The following KANK1 variants were observed in gnomAD, a reference collection of about 807,000 sequenced individuals.
KANK1 encodes KN motif and ankyrin repeat domain-containing protein 1.
Under a neutral mutation model 106.2 loss-of-function variants are expected in KANK1, and 109 were observed. The observed-to-expected ratio is 1.03, with a 90% CI of 0.88 to 1.20. The LOEUF is 1.20. Among genes scored for constraint, KANK1 ranks in the 50% most tolerant of loss-of-function variants. KANK1 has a pLI of 0.00. For synonymous variants in KANK1, 873 were observed against 652.2 expected, an observed-to-expected ratio of 1.34 and a Z score of -5.16; for missense variants, 2,399 against 1,710.7, an observed-to-expected ratio of 1.40 and a Z score of -7.10.
chr9:719,738 G>C (rs571010765), intron 3 of KANK1, among the ~76,000 whole-genome samples: 164 of 151,998 alleles, frequency 1.1e-3, no homozygotes, highest in African/African-American at 3.7e-3. Flanking sequence ...CTCTAGTTTT[G>C]GGTGATTTTT....
intron 2 of KANK1, among the ~76,000 whole-genome samples, chr9:699,493 G>T (rs551195101): frequency 6.6e-6 from 1 of 152,312 alleles, no homozygotes; most frequent in East Asian, 1.9e-4. Context: ...TAGGAGTAGT[G>T]TGCAGGTTAA....
At chr9:684,473 A>C (rs548263892) in intron 2 of KANK1, 2 of 985,326 alleles carry the variant, frequency 2.0e-6, no homozygotes, top group Non-Finnish European at 2.4e-6. Flanking sequence ...AGCTGTTGCT[A>C]TTATTCTAAG....
At chr9:596,872 C>G (rs1042393912) in intron 1 of KANK1, among the ~76,000 whole-genome samples, 1 of 151,786 alleles carries the variant, frequency 6.6e-6, no homozygotes, top group African/African-American at 2.4e-5. Context: ...CAAAAGAAAA[C>G]CCCGTACCCA....
intron 3 of KANK1, among the ~76,000 whole-genome samples, chr9:729,422 G>C (rs1335781199): frequency 6.6e-6 from 1 of 152,216 alleles, no homozygotes; most frequent in African/African-American, 2.4e-5. Context: ...GCTGTGTGAA[G>C]ATGGGGGAAG....
chr9:726,509 C>T (rs1830680196), intron 3 of KANK1, among the ~76,000 whole-genome samples: 1 of 151,064 alleles, frequency 6.6e-6, no homozygotes, highest in Non-Finnish European at 1.5e-5. Flanking sequence ...CATGGTGGCA[C>T]TTGCCTGTAG....
chr9:474,050 A>G (rs2132051736), intron 3 of KANK1, among the ~76,000 whole-genome samples: 1 of 151,860 alleles, frequency 6.6e-6, no homozygotes, highest in East Asian at 1.9e-4. Flanking sequence ...AGCTTTCCCC[A>G]CATGATGGCT....
chr9:694,603 C>G (rs1386602037), intron 2 of KANK1, among the ~76,000 whole-genome samples: 4 of 152,192 alleles, frequency 2.6e-5, no homozygotes, highest in Non-Finnish European at 5.9e-5. Flanking sequence ...AAGAGGGCCA[C>G]TGTATAAACC....
intron 1 of KANK1, 45 bp downstream of exon 1, chr9:504,799 G>C (rs1399550678): frequency 8.2e-6 from 1 of 122,106 alleles, no homozygotes; most frequent in Admixed American, 7.3e-5. Flanking sequence ...GCCGCGGCGA[G>C]GTTGTCCCGG....
At chr9:718,932 G>C (rs1160041218) in intron 3 of KANK1, among the ~76,000 whole-genome samples, 2 of 148,130 alleles carry the variant, frequency 1.4e-5, no homozygotes, top group Non-Finnish European at 3.0e-5. Context: ...TGGGCTTAAA[G>C]AGTGAATTCA....
rs897552372 is a variant in KANK1 at position 730,932 on chromosome 9, T to G, written c.2897-226T>G. ...CAGTTTTCACTGGCTTTGTTATGTCTGGAAGGACTAATTGATTTTTTTCCC... is the reference window on the plus strand; with the variant it reads ...CAGTTTTCACTGGCTTTGTTATGTCGGGAAGGACTAATTGATTTTTTTCCC... On this transcript the variant is annotated intron_variant, in intron 4 of 11. Coordinates refer to ENST00000382297, the MANE Select transcript of KANK1 (RefSeq NM_015158.5). 2.6e-5 allele frequency: 9 copies of G among 348,808 alleles called. No homozygotes were observed. The Admixed American group carries it at 2.8e-4, about 11-fold the overall frequency. 21.6% of individuals were successfully genotyped at this position (348,808 alleles called of 1,614,324 possible).
chr9:657,046 C>CT (rs375612496), intron 1 of KANK1, among the ~76,000 whole-genome samples: 8,082 of 152,252 alleles, frequency 0.053, 231 homozygotes, highest in African/African-American at 0.066. Context: ...CTGTTTCCCC[C>CT]TGTGCCAGCC....
intron 1 of KANK1, among the ~76,000 whole-genome samples, chr9:668,681 C>T (rs1845224928): frequency 6.6e-6 from 1 of 152,000 alleles, no homozygotes; most frequent in Non-Finnish European, 1.5e-5. Context: ...TAGAAAACAT[C>T]TTATAGATAA....
chr9:624,187 A>G (rs935143396), intron 1 of KANK1, among the ~76,000 whole-genome samples: 1 of 152,172 alleles, frequency 6.6e-6, no homozygotes, highest in Non-Finnish European at 1.5e-5. Context: ...CGTTGAATCC[A>G]CAAGCCAAGA....
chr9:570,811 A>G (rs542391517), intron 1 of KANK1, among the ~76,000 whole-genome samples: 1 of 152,196 alleles, frequency 6.6e-6, no homozygotes, highest in African/African-American at 2.4e-5. Context: ...CCGTTGGCTT[A>G]GTTTTTCATG....
chr9:617,826 G>T (rs1315619642), intron 1 of KANK1, among the ~76,000 whole-genome samples: 1 of 152,226 alleles, frequency 6.6e-6, no homozygotes, highest in African/African-American at 2.4e-5. Context: ...TCTCATAGGA[G>T]TAGGCTCCAT....
chr9:712,283 TG>T lies in KANK1; in HGVS notation c.1519del (p.Ala507ProfsTer41). On this transcript the variant is annotated frameshift_variant, in exon 3 of 12. Transcript: ENST00000382297. LOFTEE classifies it high-confidence loss of function. ...GSRKKVDKAT[M>X]AQPLVFSKVV... Reference sequence around the variant, plus strand: ...AGGAAAAAGGTTGACAAAGCCACGATGGCCCAGCCGCTTGTTTTCAGTAAGG... The same window carrying T: ...AGGAAAAAGGTTGACAAAGCCACGATGCCCAGCCGCTTGTTTTCAGTAAGG... The T allele has an allele frequency of 6.2e-7, 1 of 1,614,186 alleles. No individual in the cohort carries two copies. The highest frequency in any genetic ancestry group is 8.5e-7 in the Non-Finnish European group (1 of 1,180,038).
At chr9:481,910 G>C (rs757185781) in intron 3 of KANK1, among the ~76,000 whole-genome samples, 24 of 152,114 alleles carry the variant, frequency 1.6e-4, no homozygotes, top group Non-Finnish European at 2.2e-4. Flanking sequence ...AGAGTTGTTA[G>C]ATAGTAATAG....
At position 472,188 on chromosome 9, in the gene KANK1, G is replaced by C. The variant is rs116726076; in HGVS notation, c.-441-1006G>C. 5.8e-3 allele frequency among the ~76,000 whole-genome samples: 885 copies of C among 152,326 alleles called. 10 individuals are homozygous for C. The highest frequency in any genetic ancestry group is 0.02 in the African/African-American group (848 of 41,578). On this transcript the variant is annotated intron_variant, in intron 2 of 15. Coordinates refer to the KANK1 transcript ENST00000382303. ...GAGAGCTGGCCTGCCCACAGTCTCT[G>C]TAAGGGGCAGTTGTCTCTTCTGAGT...
intron 1 of KANK1, among the ~76,000 whole-genome samples, chr9:510,352 T>C (rs1463297860): frequency 6.6e-6 from 1 of 152,186 alleles, no homozygotes; most frequent in African/African-American, 2.4e-5. Context: ...CATTAAGTAG[T>C]TGATTGTCCA....
Sources: gnomAD v4.1 joint callset for allele counts (sites outside exome capture counted in the v4.1 genomes callset) on GRCh38, gnomAD v4.1.1 for gene constraint, MANE v1.5 for transcripts, NCBI Gene and HGNC (gene_info 2026-07-23, HGNC 2026-07-21) for gene names.